THAP4: variants seen among roughly 807,000 people sequenced by gnomAD.
THAP4 encodes the protein THAP domain containing 4.
In THAP4, 18 loss-of-function variants were observed where a neutral mutation model predicts 48.1. The ratio of observed to expected loss-of-function variants is 0.37; its 90% CI spans 0.26 to 0.56. The LOEUF is 0.56. Ranked by LOEUF, THAP4 falls within the 20% of genes least tolerant of loss-of-function variation. The pLI is 0.78. For missense variants in THAP4, 656 were observed against 774.9 expected (o/e 0.85, Z 1.82); for synonymous variants, 345 against 324.9 (o/e 1.06, Z -0.66).
At chr2:241,617,450 G>A (rs1450324435) in intron 2 of THAP4, 1 of 1,551,276 alleles carries the variant, frequency 6.4e-7, no homozygotes, top group Non-Finnish European at 8.7e-7. Context: ...ACTCGTCAAG[G>A]TTCCTCAAGG....
intron 1 of THAP4, 103 bp from the exon 2 acceptor site, chr2:241,634,182 C>G: frequency 1.2e-6 from 1 of 814,874 alleles, no homozygotes; most frequent in South Asian, 1.9e-5. Context: ...CACCCTAAGC[C>G]GTATTGACTT....
intron 5 of THAP4, among the ~76,000 whole-genome samples, chr2:241,597,223 T>C (rs919815354): frequency 6.6e-6 from 1 of 152,152 alleles, no homozygotes; most frequent in Non-Finnish European, 1.5e-5. Flanking sequence ...CTCCGCTGCC[T>C]ACCAGTTTCA....
intron 2 of THAP4, among the ~76,000 whole-genome samples, chr2:241,626,225 G>A (rs879798581): frequency 1.1e-4 from 17 of 152,034 alleles, no homozygotes; most frequent in Non-Finnish European, 2.5e-4. Context: ...GGCAGATCAT[G>A]AGGTCAGGAG....
intron 5 of THAP4, among the ~76,000 whole-genome samples, chr2:241,591,614 T>C (rs112417082): frequency 0.011 from 1,693 of 152,136 alleles, 31 homozygotes; most frequent in African/African-American, 0.039. Flanking sequence ...GGCAGTTGCA[T>C]GGGTGAACAG....
rs370475513 is a variant in THAP4 at position 241,634,112 on chromosome 2, T to C, written c.78-33A>G. 4 of 1,445,486 alleles carry C rather than the reference T, an allele frequency of 2.8e-6. No individual in the cohort carries two copies. The African/African-American group carries it at 4.3e-5, about 16-fold the overall frequency. The allele number at this position is 1,445,486 out of a possible 1,614,324, so 89.5% of individuals were successfully genotyped here. A position where few individuals can be genotyped will look rare whatever the true frequency, so the allele number is the denominator to read the frequency against. On this transcript the variant is annotated intron_variant, in intron 1 of 5. Coordinates refer to ENST00000407315, the MANE Select transcript of THAP4 (RefSeq NM_015963.6). Reference sequence around the variant, plus strand: ...ACAAATGACAAAAAGTAATTAGAAATAATTAAATGTCTCCCCTTAAAATAA... The same window carrying C: ...ACAAATGACAAAAAGTAATTAGAAACAATTAAATGTCTCCCCTTAAAATAA...
rs2067251163 is a variant in THAP4 at position 241,610,315 on chromosome 2, T to C, written c.1241-3842A>G. ...GCAGCCCCGCCTCAGGCGCCGCATC[T>C]CCGCCCTCTCTTGCGCCTGCGGGAC... On this transcript the variant is annotated intron_variant, in intron 2 of 5. Transcript: ENST00000407315. This position sits in a 1 kb window ranked among gnomAD's most constrained non-coding sequence, Gnocchi z 4.2. 6.6e-6 allele frequency among the ~76,000 whole-genome samples: 1 copy of C among 152,044 alleles called. No individual in the cohort carries two copies. The highest frequency in any genetic ancestry group is 1.5e-5 in the Non-Finnish European group (1 of 67,976).
intron 4 of THAP4, 101 bp from the exon 5 acceptor site, chr2:241,602,100 C>T (rs2067122058): frequency 9.0e-7 from 1 of 1,115,046 alleles, no homozygotes. Context: ...CAGGAGGCCC[C>T]AACTCTGCAG....
chr2:241,613,372 C>T (rs953171499), intron 2 of THAP4, among the ~76,000 whole-genome samples: 1 of 152,002 alleles, frequency 6.6e-6, no homozygotes, highest in Non-Finnish European at 1.5e-5. Context: ...CTCATAGGAC[C>T]CTTGAAGGGG....
intron 2 of THAP4, among the ~76,000 whole-genome samples, chr2:241,615,199 G>C (rs1254986683): frequency 6.6e-6 from 1 of 152,148 alleles, no homozygotes; most frequent in Non-Finnish European, 1.5e-5. Flanking sequence ...CGGTGACGGG[G>C]AGGGGCTTGG....
upstream of THAP4, chr2:241,637,174 C>T: frequency 2.0e-6 from 2 of 978,466 alleles, no homozygotes; most frequent in African/African-American, 1.8e-5. Context: ...CGCAGGCGCC[C>T]GCAGCGGGCC....
chr2:241,600,182 C>T (rs1316663091), intron 5 of THAP4, among the ~76,000 whole-genome samples: 1 of 151,686 alleles, frequency 6.6e-6, no homozygotes, highest in African/African-American at 2.4e-5. Context: ...GGCAACAGAG[C>T]AAGACTCCTT....
upstream of THAP4, chr2:241,637,303 G>T (rs1424997905): frequency 2.6e-6 from 3 of 1,164,154 alleles, no homozygotes; most frequent in Non-Finnish European, 3.2e-6. Context: ...ACGGGCGGGG[G>T]AGTCGCCCCG....
chr2:241,585,912 C>CAAAAAAAA (rs1175852721), intron 5 of THAP4, among the ~76,000 whole-genome samples: 18 of 28,280 alleles, frequency 6.4e-4, no homozygotes, highest in South Asian at 1.8e-3. Context: ...GACTCCTTCT[C>CAAAAAAAA]AAAAAAAAAA....
rs543688451 is a variant in THAP4, at chr2:241,625,715, T to A, written c.1240+7202A>T. On this transcript the variant is annotated intron_variant, in intron 2 of 5. Transcript: ENST00000407315. ...AGGGAGGCTGAGGCAGGAGAATTGC[T>A]TGAACCCGGGAGGTGGTTTTTGCAG... is the stretch of plus-strand genomic sequence containing the variant. Among the ~76,000 whole-genome samples the A allele has an allele frequency of 6.7e-4, 95 of 141,652 alleles. 1 individual carries two copies. Among genetic ancestry groups the A allele is most frequent in the African/African-American group, 2.5e-3 (94 of 37,558 alleles). The allele number at this position is 141,652 out of a possible 152,430, so 92.9% of individuals were successfully genotyped here.
intron 5 of THAP4, among the ~76,000 whole-genome samples, chr2:241,594,236 G>C (rs1439145357): frequency 6.6e-6 from 1 of 152,162 alleles, no homozygotes; most frequent in African/African-American, 2.4e-5. Flanking sequence ...GGGGTTGGGG[G>C]AGATGGAAGT....
At chr2:241,595,151 T>TACAGG (rs2067032488) in intron 5 of THAP4, among the ~76,000 whole-genome samples, 2 of 152,172 alleles carry the variant, frequency 1.3e-5, no homozygotes, top group South Asian at 4.1e-4. Flanking sequence ...TAGCTGGGAT[T>TACAGG]ACAGGTGCCT....
Position 241,610,723 on chromosome 2 carries a change from G to T in THAP4, c.1241-4250C>A, listed in dbSNP as rs191570609. On this transcript the variant is annotated intron_variant, in intron 2 of 5. Coordinates refer to ENST00000407315, the MANE Select transcript of THAP4 (RefSeq NM_015963.6). The surrounding 1 kb of genome is among the most constrained non-coding windows in gnomAD (Gnocchi z 4.2). ...CGTGGAGTCCTCTCCGGGAGGCCCT[G>T]TCCTCCATCCAGCGCTCCTCAGAGG... 3.9e-5 allele frequency among the ~76,000 whole-genome samples: 6 copies of T among 152,056 alleles called. No individual in the cohort carries two copies. Among genetic ancestry groups the T allele is most frequent in the African/African-American group, 1.4e-4 (6 of 41,414 alleles).
chr2:241,629,031 C>A (rs1168709404), intron 2 of THAP4, among the ~76,000 whole-genome samples: 1 of 151,392 alleles, frequency 6.6e-6, no homozygotes, highest in Non-Finnish European at 1.5e-5. Context: ...ATGTATACTT[C>A]AATCTAATAA....
At chr2:241,637,329 ACCGCGACATGGGCGCGCCGAG>A, upstream of THAP4, 1 of 1,257,140 alleles carries the variant, frequency 8.0e-7, no homozygotes, top group Non-Finnish European at 1.0e-6. Context: ...GCAAGTCCGT[ACCGCGACATGGGCGCGCCGAG>A]CACGTCCGTA....
Sources: gnomAD v4.1 joint callset for allele counts (sites outside exome capture counted in the v4.1 genomes callset) on GRCh38, gnomAD v4.1.1 for gene constraint, Gnocchi (gnomAD v3.1) non-coding constraint, MANE v1.5 for transcripts, NCBI Gene and HGNC (gene_info 2026-07-23, HGNC 2026-07-21) for gene names.